The following HIBADH variants were observed in gnomAD, a reference collection of about 807,000 sequenced individuals.
HIBADH encodes the protein 3-hydroxyisobutyrate dehydrogenase, mitochondrial.
Under a neutral mutation model 36.1 loss-of-function variants are expected in HIBADH, and 25 were observed. The observed-to-expected ratio is 0.69, with a 90% CI of 0.50 to 0.97. The LOEUF (loss-of-function observed/expected upper bound fraction) is 0.97. Among genes scored for constraint, HIBADH ranks in the 50% least tolerant of loss-of-function variants. The pLI is 0.00. For missense variants in HIBADH, 421 were observed against 418.0 expected, an observed-to-expected ratio of 1.01 and a Z score of -0.06; for synonymous variants, 160 against 149.5, an observed-to-expected ratio of 1.07 and a Z score of -0.51.
intron 4 of HIBADH, among the ~76,000 whole-genome samples, chr7:27,600,461 G>A (rs1045891973): frequency 2.0e-5 from 3 of 151,826 alleles, no homozygotes; most frequent in African/African-American, 7.3e-5. Flanking sequence ...AATAAGAGTT[G>A]GCTAAACTCC....
chr7:27,586,344 GAGAGAA>G (rs1451360567), intron 4 of HIBADH, among the ~76,000 whole-genome samples: 1 of 90,256 alleles, frequency 1.1e-5, no homozygotes, highest in Non-Finnish European at 2.7e-5. Context: ...AAAAAAGAAA[GAGAGAA>G]AGAGAGACAG....
At chr7:27,530,890 G>A (rs1431781228) in intron 7 of HIBADH, among the ~76,000 whole-genome samples, 2 of 151,928 alleles carry the variant, frequency 1.3e-5, no homozygotes, top group African/African-American at 4.8e-5. Flanking sequence ...TAAATTAATG[G>A]TGAACGAAAT....
At chr7:27,641,413 C>T (rs115635068) in intron 2 of HIBADH, among the ~76,000 whole-genome samples, 1,632 of 152,178 alleles carry the variant, frequency 0.011, 26 homozygotes, top group African/African-American at 0.037. Context: ...AATGGACACC[C>T]GTCCTTAAAA....
intron 4 of HIBADH, among the ~76,000 whole-genome samples, chr7:27,558,589 T>C (rs888271580): frequency 1.3e-5 from 2 of 152,132 alleles, no homozygotes; most frequent in South Asian, 4.1e-4. Flanking sequence ...CCCAGCTACA[T>C]AGGAGGCTGA....
At chr7:27,625,244 G>A (rs1365024992) in intron 4 of HIBADH, among the ~76,000 whole-genome samples, 1 of 152,102 alleles carries the variant, frequency 6.6e-6, no homozygotes, top group Non-Finnish European at 1.5e-5. Context: ...TTTATACAAA[G>A]GTTCGTTCTG....
intron 4 of HIBADH, among the ~76,000 whole-genome samples, chr7:27,600,040 G>A (rs1391584032): frequency 1.3e-5 from 2 of 152,078 alleles, no homozygotes; most frequent in Non-Finnish European, 2.9e-5. Flanking sequence ...ATGTTTTGAC[G>A]GGGTCAGGGA....
chr7:27,595,510 C>G (rs1288666229), intron 4 of HIBADH, among the ~76,000 whole-genome samples: 1 of 148,282 alleles, frequency 6.7e-6, no homozygotes, highest in Admixed American at 6.8e-5. Flanking sequence ...GCACTCCAGC[C>G]TAGGCGAAAG....
At chr7:27,638,842 C>T (rs1326280417) in intron 2 of HIBADH, among the ~76,000 whole-genome samples, 1 of 152,146 alleles carries the variant, frequency 6.6e-6, no homozygotes, top group Non-Finnish European at 1.5e-5. Context: ...TGAAAAAATG[C>T]TGAACATCAC....
At chr7:27,569,690 G>A (rs1238492051) in intron 4 of HIBADH, among the ~76,000 whole-genome samples, 9 of 151,628 alleles carry the variant, frequency 5.9e-5, no homozygotes, top group Admixed American at 3.9e-4. Context: ...ACTGCCACCC[G>A]GTCCTCTGAC....
At chr7:27,535,774 T>A (rs1435655997) in intron 6 of HIBADH, among the ~76,000 whole-genome samples, 14 of 151,918 alleles carry the variant, frequency 9.2e-5, no homozygotes, top group Admixed American at 8.5e-4. Context: ...TTTAACAACA[T>A]TTAAAAATTT....
At position 27,629,439 on chromosome 7, in the gene HIBADH, A is replaced by G. The variant is rs961950422; in HGVS notation, c.416T>C (p.Val139Ala). Reference sequence around the variant, plus strand: ...AACTTCTTTGGCCAATTCTTTTGAAACTGCAGGATCAATAGTGCTGGAATC... The same window carrying G: ...AACTTCTTTGGCCAATTCTTTTGAAGCTGCAGGATCAATAGTGCTGGAATC... ...LIDSSTIDPAVSKELAKEVEK... is the reference protein window; with the variant it reads ...LIDSSTIDPAASKELAKEVEK... The change falls in exon 4 of 8, where the codon GTT becomes GCT. Residue 139 changes from valine to alanine, a missense_variant. Physicochemically the swap from Val to Ala is moderately conservative, Grantham distance 64. Transcript: ENST00000265395. The G allele has an allele frequency of 3.1e-6, 5 of 1,610,378 alleles. No homozygotes were observed. The highest frequency in any genetic ancestry group is 1.3e-5 in the African/African-American group (1 of 74,808).
intron 6 of HIBADH, among the ~76,000 whole-genome samples, chr7:27,537,999 A>G (rs1398576483): frequency 6.6e-6 from 1 of 152,242 alleles, no homozygotes; most frequent in Non-Finnish European, 1.5e-5. Flanking sequence ...ATTTGTCCCA[A>G]CATTGCCAAA....
At chr7:27,547,430 G>A (rs1784249686) in intron 4 of HIBADH, among the ~76,000 whole-genome samples, 1 of 152,020 alleles carries the variant, frequency 6.6e-6, no homozygotes, top group African/African-American at 2.4e-5. Flanking sequence ...AGTTTCATTT[G>A]TTTCTGGTCT....
chr7:27,601,512 G>T (rs563239879), intron 4 of HIBADH, among the ~76,000 whole-genome samples: 31 of 152,024 alleles, frequency 2.0e-4, no homozygotes, highest in African/African-American at 7.2e-4. Context: ...GATTAATGTT[G>T]AATACTGAAA....
At chr7:27,621,634 A>T (rs1785544991) in intron 4 of HIBADH, among the ~76,000 whole-genome samples, 1 of 152,080 alleles carries the variant, frequency 6.6e-6, no homozygotes, top group South Asian at 2.1e-4. Context: ...TTTACTAAAA[A>T]TACAAAAATG....
At chr7:27,530,932 GCACACACACACACACGCACACACATA>G (rs1003021236) in intron 7 of HIBADH, among the ~76,000 whole-genome samples, 22 of 150,660 alleles carry the variant, frequency 1.5e-4, no homozygotes, top group Non-Finnish European at 2.4e-4. Flanking sequence ...ACCCAAGTGC[GCACACACACACACACGCACACACATA>G]CACACACACA....
At chr7:27,655,131 A>C (rs553586202) in intron 1 of HIBADH, among the ~76,000 whole-genome samples, 9 of 152,344 alleles carry the variant, frequency 5.9e-5, no homozygotes, top group Admixed American at 1.3e-4. Context: ...ATATAGAAAC[A>C]AACAAGAGAA....
intron 1 of HIBADH, among the ~76,000 whole-genome samples, chr7:27,650,616 C>T (rs551112584): frequency 7.8e-4 from 117 of 150,594 alleles, no homozygotes; most frequent in African/African-American, 2.7e-3. Flanking sequence ...CCTTAGCCTC[C>T]GGTGTAGCTG....
In HIBADH at chr7:27,566,452, CTGGTAATTTG is replaced by C. The variant is rs374805006; in HGVS notation, c.485-23362_485-23353del. On this transcript the variant is annotated intron_variant, in intron 4 of 7. Coordinates refer to ENST00000265395, the MANE Select transcript of HIBADH (RefSeq NM_152740.4). The stretch of plus-strand genomic sequence containing the variant: ...TCCTTACAGTGCTCCATTCCTGACA[CTGGTAATTTG>C]TGTCTTATTTTTTGGTTAGGCTGGC... 3.5e-3 allele frequency among the ~76,000 whole-genome samples: 538 copies of C among 152,016 alleles called. 2 individuals carry two copies. The highest frequency in any genetic ancestry group is 0.012 in the African/African-American group (499 of 41,518).
Sources: allele counts gnomAD v4.1 joint callset (sites outside exome capture counted in the v4.1 genomes callset), GRCh38; gene constraint gnomAD v4.1.1; transcripts MANE v1.5; gene names NCBI Gene and HGNC (gene_info 2026-07-23, HGNC 2026-07-21).